Variants in WDR59 observed in about 807,000 individuals in gnomAD.
WDR59 encodes GATOR2 complex protein WDR59.
WDR59 carries 100 observed loss-of-function variants against 131.2 expected under a neutral mutation model. That is an observed-to-expected ratio of 0.76 (90% CI 0.65 to 0.90). The LOEUF (loss-of-function observed/expected upper bound fraction) is 0.90, where lower values mean the gene tolerates loss of function less well. Ranked by LOEUF, WDR59 falls within the 40% of genes least tolerant of loss-of-function variation. The pLI, the probability that WDR59 is intolerant of heterozygous loss-of-function variation, is 0.00. For missense variants in WDR59, 1,203 were observed against 1,262.2 expected (o/e 0.95, Z 0.71); for synonymous variants, 601 against 466.2 (o/e 1.29, Z -3.72).
At chr16:74,886,215 CTG>C in intron 24 of WDR59, 53 bp downstream of exon 24, 1 of 1,334,252 alleles carries the variant, frequency 7.5e-7, no homozygotes, top group Non-Finnish European at 1.0e-6. Context: ...TGTGGAGAAA[CTG>C]GAGTCCTGCC....
At chr16:74,886,192 T>TAAAAAAAAAAAAAAAAAAAA (rs1567687441) in intron 24 of WDR59, 78 bp downstream of exon 24, 1 of 1,152,284 alleles carries the variant, frequency 8.7e-7, no homozygotes, top group African/African-American at 1.7e-5. Flanking sequence ...AAAAAAAAAG[T>TAAAAAAAAAAAAAAAAAAAA]AAGAGTTGTG....
chr16:74,929,302 C>A (rs908607483), intron 8 of WDR59, among the ~76,000 whole-genome samples: 2 of 152,130 alleles, frequency 1.3e-5, no homozygotes, highest in Admixed American at 6.6e-5. Flanking sequence ...GTCTCGATCT[C>A]CTGACCTCGT....
At position 74,985,004 on chromosome 16, in the gene WDR59, C is replaced by T. The variant is rs1276689025; in HGVS notation, c.14G>A (p.Trp5Ter). The T allele has an allele frequency of 6.3e-7, 1 of 1,588,308 alleles. No homozygotes were observed. Among genetic ancestry groups the T allele is most frequent in the Non-Finnish European group, 8.6e-7 (1 of 1,167,334 alleles). Reference sequence around the variant, plus strand: ...CTCTACAACCACGTTTTCGCTGCTCCATCGCGCCGCCATCTCCCCCGCCCG... The same window carrying T: ...CTCTACAACCACGTTTTCGCTGCTCTATCGCGCCGCCATCTCCCCCGCCCG... MAAR[W>*]SSENVVVEFR... is the part of the protein sequence containing the mutation. The change falls in exon 1 of 26, where the codon TGG (tryptophan) becomes TAG (stop). Residue 5 changes from tryptophan (W) to a stop codon, truncating the protein, a stop_gained. Transcript: ENST00000262144. LOFTEE classifies it high-confidence loss of function.
Position 74,916,127 on chromosome 16 carries a change from C to T in WDR59, c.1099G>A (p.Ala367Thr), listed in dbSNP as rs745804801. 3 of 1,614,164 alleles carry T rather than the reference C, an allele frequency of 1.9e-6. No individual in the cohort carries two copies. Among genetic ancestry groups the T allele is most frequent in the South Asian group, 1.1e-5 (1 of 91,092 alleles). ...CTGAGACATCAGTTTGACAAATTAC[C>T]TTCTTCCTCCCCATGGCTTGCAGTG... ...QHTASHGEEE[A>T]LKEDPPRNLL... The change falls in exon 12 of 26, where the codon GCC becomes ACC. Residue 367 changes from alanine (A) to threonine (T), a missense_variant and splice_region_variant. Ala to Thr is a moderately conservative substitution (Grantham distance 58). Transcript: ENST00000262144.
intron 14 of WDR59, chr16:74,911,899 T>G (rs973443878): frequency 1.9e-6 from 1 of 522,634 alleles, no homozygotes. Context: ...AATTCACATA[T>G]TTACAGGCAA....
chr16:74,983,543 G>A (rs963448095), intron 1 of WDR59, among the ~76,000 whole-genome samples: 1 of 151,946 alleles, frequency 6.6e-6, no homozygotes, highest in Non-Finnish European at 1.5e-5. Context: ...TGGGGAAGAG[G>A]GGATGTATAT....
At chr16:74,969,597 G>T (rs1454707818) in intron 1 of WDR59, among the ~76,000 whole-genome samples, 1 of 147,960 alleles carries the variant, frequency 6.8e-6, no homozygotes, top group East Asian at 2.0e-4. Context: ...TTTTTGAGAT[G>T]GAGTTTCACT....
chr16:74,889,830 G>C lies in WDR59; in HGVS notation c.2083-15C>G. 1.3e-6 allele frequency: 2 copies of C among 1,594,580 alleles called. No homozygotes were observed. Among genetic ancestry groups the C allele is most frequent in the Non-Finnish European group, 1.7e-6 (2 of 1,168,936 alleles). On this transcript the variant is annotated splice_polypyrimidine_tract_variant and intron_variant, in intron 20 of 25. Coordinates refer to ENST00000262144, the MANE Select transcript of WDR59 (RefSeq NM_030581.4). ...AGCGACCAAACCTGGACAGATCAAAGAGAAATACAAACTCAAACTGGCAAG... is the reference window on the plus strand; with the variant it reads ...AGCGACCAAACCTGGACAGATCAAACAGAAATACAAACTCAAACTGGCAAG...
intron 25 of WDR59, among the ~76,000 whole-genome samples, chr16:74,878,016 C>G (rs1964298483): frequency 6.6e-6 from 1 of 152,206 alleles, no homozygotes; most frequent in African/African-American, 2.4e-5. Flanking sequence ...TAAACGTCAG[C>G]TACCTGTATA....
In WDR59 at chr16:74,965,714, C is replaced by T. The variant is rs543594639; in HGVS notation, c.104+59G>A. On this transcript the variant is annotated intron_variant, in intron 2 of 25. Coordinates refer to ENST00000262144, the MANE Select transcript of WDR59 (RefSeq NM_030581.4). ...AGAATAGCTTCCAAGTTCCCAGAAA[C>T]CCCGATTTGCAAATCGTTTCCAGAA... 4.8e-5 allele frequency: 76 copies of T among 1,599,062 alleles called. 1 individual carries two copies. The South Asian group carries it at 7.9e-4, about 17-fold the overall frequency.
intron 18 of WDR59, among the ~76,000 whole-genome samples, chr16:74,902,706 C>T (rs1028413116): frequency 3.9e-5 from 6 of 152,144 alleles, no homozygotes; most frequent in African/African-American, 1.4e-4. Context: ...ATGAGCCTGG[C>T]TTTCATCTCA....
chr16:74,876,246 A>T (rs916386571), intron 25 of WDR59, among the ~76,000 whole-genome samples: 2 of 152,180 alleles, frequency 1.3e-5, no homozygotes, highest in Non-Finnish European at 2.9e-5. Context: ...GACAAATCAG[A>T]CTGGTTTGAA....
rs367558979 is a variant in WDR59 at position 74,948,393 on chromosome 16, G to A, written c.445+126C>T. ...ACTTACAATTCCACTCAGCCACGGC[G>A]CAGCCCAGACAGAGGCAGTTAGAGA... On this transcript the variant is annotated intron_variant, in intron 6 of 25. Transcript: ENST00000262144. The A allele has an allele frequency of 8.9e-5, 81 of 912,254 alleles. 1 individual carries two copies. Among genetic ancestry groups the A allele is most frequent in the African/African-American group, 7.8e-4 (47 of 60,176 alleles). The allele number at this position is 912,254 out of a possible 1,614,324, so 56.5% of individuals were successfully genotyped here.
At chr16:74,887,644 C>A in intron 23 of WDR59, 39 bp downstream of exon 23, 1 of 1,600,526 alleles carries the variant, frequency 6.2e-7, no homozygotes, top group Non-Finnish European at 8.6e-7. Flanking sequence ...TCTGGGAGAA[C>A]TAAAAATCCA....
At chr16:74,972,990 T>C (rs1366957835) in intron 1 of WDR59, among the ~76,000 whole-genome samples, 1 of 151,832 alleles carries the variant, frequency 6.6e-6, no homozygotes, top group Non-Finnish European at 1.5e-5. Flanking sequence ...CCCAGCACTT[T>C]GGGAGGCCGA....
At chr16:74,925,015 G>A (rs967309946) in intron 8 of WDR59, among the ~76,000 whole-genome samples, 3 of 152,070 alleles carry the variant, frequency 2.0e-5, no homozygotes, top group Admixed American at 2.0e-4. Flanking sequence ...GAAAGTATCT[G>A]TTCACACAAA....
intron 1 of WDR59, among the ~76,000 whole-genome samples, chr16:74,971,287 G>A (rs992440406): frequency 7.2e-5 from 11 of 151,816 alleles, no homozygotes; most frequent in African/African-American, 1.9e-4. Flanking sequence ...TGTGTGAGAC[G>A]TTCTATTAGA....
intron 2 of WDR59, among the ~76,000 whole-genome samples, chr16:74,959,008 G>A (rs1012691569): frequency 3.5e-4 from 53 of 152,094 alleles, no homozygotes; most frequent in African/African-American, 1.2e-3. Flanking sequence ...GCAGTGAGCC[G>A]AGATCGCACC....
At chr16:74,905,455 G>A (rs1011243740) in intron 17 of WDR59, among the ~76,000 whole-genome samples, 21 of 151,876 alleles carry the variant, frequency 1.4e-4, no homozygotes, top group African/African-American at 4.8e-4. Context: ...GCTGAGGCAG[G>A]CAGATCACGA....
Sources: allele counts gnomAD v4.1 joint callset (sites outside exome capture counted in the v4.1 genomes callset), GRCh38; gene constraint gnomAD v4.1.1; transcripts MANE v1.5; gene names NCBI Gene and HGNC (gene_info 2026-07-23, HGNC 2026-07-21).